The following RBFOX1 variants were observed in gnomAD, a reference collection of about 807,000 sequenced individuals.
The protein encoded by RBFOX1 is RNA binding fox-1 homolog 1, also known as RNA binding protein fox-1 homolog 1.
Under a neutral mutation model 57.7 loss-of-function variants are expected in RBFOX1, and 8 were observed. The observed-to-expected ratio is 0.14, with a 90% CI of 0.08 to 0.25. RBFOX1 has a LOEUF of 0.25. RBFOX1 is among the 10% of genes least tolerant of loss of function. The pLI, the probability that RBFOX1 is intolerant of heterozygous loss-of-function variation, is 1.00. For missense variants in RBFOX1, 611 were observed against 548.5 expected (o/e 1.11, Z -1.14); for synonymous variants, 326 against 222.4 (o/e 1.47, Z -4.15).
intron 1 of RBFOX1, among the ~76,000 whole-genome samples, chr16:6,074,612 G>C (rs1017328865): frequency 2.6e-5 from 4 of 152,186 alleles, no homozygotes; most frequent in Admixed American, 1.3e-4. Flanking sequence ...GAGAAAGATT[G>C]GGCTCAATTC....
chr16:5,917,803 C>A (rs1446960298), intron 4 of RBFOX1, among the ~76,000 whole-genome samples: 1 of 152,158 alleles, frequency 6.6e-6, no homozygotes, highest in African/African-American at 2.4e-5. Flanking sequence ...TTATAAAATT[C>A]ATACCGGGTT....
chr16:6,207,143 C>T (rs992114035), intron 1 of RBFOX1, among the ~76,000 whole-genome samples: 7 of 152,204 alleles, frequency 4.6e-5, no homozygotes, highest in African/African-American at 1.7e-4. Flanking sequence ...TCACCCATGA[C>T]AGTGATCAAA....
At chr16:6,769,276 C>T (rs997461337) in intron 3 of RBFOX1, among the ~76,000 whole-genome samples, 1 of 152,188 alleles carries the variant, frequency 6.6e-6, no homozygotes, top group African/African-American at 2.4e-5. Context: ...GAGACTTGCT[C>T]CTCCTTGCCT....
chr16:6,139,619 A>G (rs2096698078), intron 1 of RBFOX1, among the ~76,000 whole-genome samples: 1 of 152,206 alleles, frequency 6.6e-6, no homozygotes, highest in Non-Finnish European at 1.5e-5. Context: ...AATTGTCAGC[A>G]CCCATGTAAC....
intron 3 of RBFOX1, among the ~76,000 whole-genome samples, chr16:7,003,831 T>A (rs1181833134): frequency 6.6e-6 from 1 of 152,182 alleles, no homozygotes; most frequent in Non-Finnish European, 1.5e-5. Context: ...AGGTTCTACT[T>A]ATAAATTGCA....
intron 3 of RBFOX1, among the ~76,000 whole-genome samples, chr16:7,024,708 C>G (rs928274829): frequency 6.6e-6 from 1 of 152,180 alleles, no homozygotes; most frequent in Non-Finnish European, 1.5e-5. Context: ...ACAAATTCCT[C>G]AGCACTCTGT....
At chr16:6,565,974 T>A (rs1042968158) in intron 2 of RBFOX1, among the ~76,000 whole-genome samples, 1 of 152,226 alleles carries the variant, frequency 6.6e-6, no homozygotes, top group Non-Finnish European at 1.5e-5. Context: ...CATCCTGCAC[T>A]GGCTGGGAGT....
chr16:6,304,958 G>A (rs903349274), intron 1 of RBFOX1, among the ~76,000 whole-genome samples: 1 of 150,062 alleles, frequency 6.7e-6, no homozygotes, highest in Non-Finnish European at 1.5e-5. Flanking sequence ...TCTCTCCAAT[G>A]ACAACAATCA....
At position 5,356,353 on chromosome 16, in the gene RBFOX1, A is replaced by G. The variant is rs143048969; in HGVS notation, c.220-110863A>G. ...CATTTCTGTTGTTTTAAGTCACCGC[A>G]TTTGTGGTAACTAGTAATGACAGCC... is the stretch of plus-strand genomic sequence containing the variant. On this transcript the variant is annotated intron_variant, in intron 1 of 2. Coordinates refer to the RBFOX1 transcript ENST00000585867. Among the ~76,000 whole-genome samples, 218 of 152,320 alleles carry G rather than the reference A, an allele frequency of 1.4e-3. 3 individuals carry two copies. In the East Asian group the frequency reaches 0.035, roughly 25 times the overall value.
chr16:5,784,943 G>A (rs2054449685), intron 3 of RBFOX1, among the ~76,000 whole-genome samples: 1 of 152,166 alleles, frequency 6.6e-6, no homozygotes, highest in Non-Finnish European at 1.5e-5. Context: ...GCTACCCAGT[G>A]TATGGTATTT....
intron 4 of RBFOX1, among the ~76,000 whole-genome samples, chr16:7,503,889 G>T (rs995383082): frequency 6.6e-6 from 1 of 152,166 alleles, no homozygotes; most frequent in African/African-American, 2.4e-5. Flanking sequence ...GGATGGCAGT[G>T]GTGATGGTTG....
intron 1 of RBFOX1, among the ~76,000 whole-genome samples, chr16:6,086,554 C>G (rs2096087382): frequency 6.6e-6 from 1 of 152,114 alleles, no homozygotes; most frequent in African/African-American, 2.4e-5. Flanking sequence ...AACGAAGAAT[C>G]TTTAGTACCT....
chr16:7,304,447 C>G, intron 4 of RBFOX1: 3 of 985,358 alleles, frequency 3.0e-6, no homozygotes, highest in Non-Finnish European at 3.6e-6. Flanking sequence ...CATGTGTCCC[C>G]AGCTTTCGTG....
intron 4 of RBFOX1, among the ~76,000 whole-genome samples, chr16:7,089,466 C>A (rs1599161777): frequency 6.6e-6 from 1 of 152,054 alleles, no homozygotes; most frequent in African/African-American, 2.4e-5. Context: ...ACTATACTAG[C>A]ATTTCATGGA....
intron 4 of RBFOX1, among the ~76,000 whole-genome samples, chr16:7,322,396 G>A (rs1490866554): frequency 3.9e-5 from 6 of 152,238 alleles, no homozygotes; most frequent in East Asian, 1.9e-4. Context: ...TAGTAAACAC[G>A]TCAACGTGAT....
intron 3 of RBFOX1, among the ~76,000 whole-genome samples, chr16:6,919,386 C>T (rs2073964069): frequency 6.6e-6 from 1 of 152,046 alleles, no homozygotes; most frequent in South Asian, 2.1e-4. Flanking sequence ...TTTAGGTTCT[C>T]TTATTAGCTC....
intron 4 of RBFOX1, among the ~76,000 whole-genome samples, chr16:5,980,229 C>T (rs1161301387): frequency 6.6e-6 from 1 of 152,198 alleles, no homozygotes. Context: ...TTTGCATCTC[C>T]CTTGGCTAAG....
At chr16:6,904,061 T>A (rs7203860) in intron 3 of RBFOX1, among the ~76,000 whole-genome samples, 43,274 of 151,740 alleles carry the variant, frequency 0.29, 6,945 homozygotes, top group African/African-American at 0.45. Context: ...GCTACCCCCA[T>A]GGGGGCTGTG....
At chr16:5,350,478 C>A (rs1182509118) in intron 1 of RBFOX1, among the ~76,000 whole-genome samples, 1 of 152,118 alleles carries the variant, frequency 6.6e-6, no homozygotes, top group Non-Finnish European at 1.5e-5. Context: ...GGGTCCAGTA[C>A]CATTTAGTTC....
Sources: gnomAD v4.1 joint callset for allele counts (sites outside exome capture counted in the v4.1 genomes callset) on GRCh38, gnomAD v4.1.1 for gene constraint, MANE v1.5 for transcripts, NCBI Gene and HGNC (gene_info 2026-07-23, HGNC 2026-07-21) for gene names.